Variants in MCM6 observed in about 807,000 individuals in gnomAD.
MCM6 encodes DNA replication licensing factor MCM6.
A neutral mutation model predicts 94.3 loss-of-function variants in MCM6; 46 were observed. The ratio of observed to expected loss-of-function variants is 0.49; its 90% confidence interval spans 0.39 to 0.62. The LOEUF is 0.62. Ranked by LOEUF, MCM6 falls within the 20% of genes least tolerant of loss-of-function variation. The pLI, the probability that MCM6 is intolerant of heterozygous loss-of-function variation, is 0.00. For missense variants in MCM6, 865 were observed against 1,017.9 expected, an observed-to-expected ratio of 0.85 and a Z score of 2.04; for synonymous variants, 335 against 351.9, an observed-to-expected ratio of 0.95 and a Z score of 0.54.
At position 135,852,779 on chromosome 2, in the gene MCM6, T is replaced by C. The variant is rs371061391; in HGVS notation, c.1755+8A>G. 14 of 1,565,232 alleles carry C rather than the reference T, an allele frequency of 8.9e-6. No individual in the cohort carries two copies. The African/African-American group carries it at 1.8e-4, about 20-fold the overall frequency. On this transcript the variant is annotated splice_region_variant and intron_variant, in intron 12 of 16. Coordinates refer to ENST00000264156, the MANE Select transcript of MCM6 (RefSeq NM_005915.6). ...TATACCTTATCCCAGTACAAAAGGG[T>C]AGGTTACCTTGGGTTTAAACTGTCT...
chr2:135,852,315 G>C (rs1438255436), intron 12 of MCM6, among the ~76,000 whole-genome samples: 1 of 151,968 alleles, frequency 6.6e-6, no homozygotes, highest in Non-Finnish European at 1.5e-5. Context: ...CAAGCATTTG[G>C]GGGTTTATGT....
At chr2:135,843,311 C>A (rs900712576) in intron 16 of MCM6, among the ~76,000 whole-genome samples, 1 of 152,192 alleles carries the variant, frequency 6.6e-6, no homozygotes, top group Non-Finnish European at 1.5e-5. Flanking sequence ...CTCTATACAT[C>A]TGGAGTTTAC....
chr2:135,858,161 C>T (rs547822237), intron 9 of MCM6, among the ~76,000 whole-genome samples, 157 bp from the exon 10 acceptor site: 2 of 152,202 alleles, frequency 1.3e-5, no homozygotes, highest in African/African-American at 2.4e-5. Context: ...CACTGTACTC[C>T]AGGTTAGGTG....
rs781641476 is a variant in MCM6 at position 135,866,512 on chromosome 2, T to A, written c.781+51A>T. ...TGAAGATGTGGGAAGCTAGATACTG[T>A]GCAGTTTAGGTAACTGAGAATTTGT... On this transcript the variant is annotated intron_variant, in intron 5 of 16. Transcript: ENST00000264156. 1.9e-6 allele frequency: 3 copies of A among 1,558,718 alleles called. No individual in the cohort carries two copies. In the East Asian group the frequency reaches 6.7e-5, roughly 35 times the overall value.
At chr2:135,841,363 C>T (rs1184700718) in intron 16 of MCM6, among the ~76,000 whole-genome samples, 3 of 152,086 alleles carry the variant, frequency 2.0e-5, no homozygotes, top group South Asian at 2.1e-4. Context: ...CATATACCAC[C>T]ATTTCATAGA....
Position 135,866,729 on chromosome 2 carries a change from C to T in MCM6, c.616-1G>A. 2 of 1,596,148 alleles carry T rather than the reference C, an allele frequency of 1.3e-6. No individual in the cohort carries two copies. Among genetic ancestry groups the T allele is most frequent in the Non-Finnish European group, 1.7e-6 (2 of 1,173,852 alleles). On this transcript the variant is annotated splice_acceptor_variant, in intron 4 of 16. Coordinates refer to ENST00000264156, the MANE Select transcript of MCM6 (RefSeq NM_005915.6). LOFTEE classifies it high-confidence loss of function. ...CAGCTTGGGTCTCTTGAATACGAACCTGTAATACAGACAAACAACCAACCA... is the reference window on the plus strand; with the variant it reads ...CAGCTTGGGTCTCTTGAATACGAACTTGTAATACAGACAAACAACCAACCA...
chr2:135,870,635 T>C (rs1680183056), intron 2 of MCM6, among the ~76,000 whole-genome samples: 1 of 152,230 alleles, frequency 6.6e-6, no homozygotes, highest in Non-Finnish European at 1.5e-5. Flanking sequence ...TGTTGGCCAT[T>C]CCTCTGTCCA....
chr2:135,855,301 C>G (rs1039817801), intron 11 of MCM6, among the ~76,000 whole-genome samples: 1 of 152,188 alleles, frequency 6.6e-6, no homozygotes, highest in African/African-American at 2.4e-5. Context: ...GTATGAAAAT[C>G]AGACAACTCA....
At chr2:135,860,351 G>A (rs1167566763) in intron 8 of MCM6, among the ~76,000 whole-genome samples, 1 of 150,572 alleles carries the variant, frequency 6.6e-6, no homozygotes, top group Non-Finnish European at 1.5e-5. Flanking sequence ...AGCCAGGACG[G>A]TCTCGATCTC....
At chr2:135,859,040 G>A (rs1256433887) in intron 9 of MCM6, among the ~76,000 whole-genome samples, 1 of 151,948 alleles carries the variant, frequency 6.6e-6, no homozygotes, top group Non-Finnish European at 1.5e-5. Context: ...ACAAGCACCC[G>A]CCACCATGCC....
chr2:135,843,454 C>T (rs1411331215), intron 16 of MCM6, among the ~76,000 whole-genome samples: 2 of 151,976 alleles, frequency 1.3e-5, no homozygotes, highest in African/African-American at 4.8e-5. Flanking sequence ...AGATTCAGGC[C>T]AGGCACGGTG....
At chr2:135,868,365 T>C (rs1680139241) in intron 4 of MCM6, among the ~76,000 whole-genome samples, 1 of 152,252 alleles carries the variant, frequency 6.6e-6, no homozygotes, top group Non-Finnish European at 1.5e-5. Flanking sequence ...AGTTACCATT[T>C]ATTCTTTGAC....
rs772000605 is a variant in MCM6, at chr2:135,848,119, C to T, written c.1987G>A (p.Asp663Asn). 5 of 1,610,856 alleles carry T rather than the reference C, an allele frequency of 3.1e-6. No homozygotes were observed. The South Asian group carries it at 5.5e-5, about 18-fold the overall frequency. The stretch of plus-strand genomic sequence containing the variant: ...TCTTCCTCTTGATCTAGATTGACAT[C>T]AGGTGTTTCCACACGGATGATTGAT... Reference protein sequence around the residue: ...NKSIIRVETPDVNLDQEEEIQ... With the variant: ...NKSIIRVETPNVNLDQEEEIQ... The change falls in exon 14 of 17, where the codon GAT (aspartate) becomes AAT (asparagine). Residue 663 changes from aspartate (D) to asparagine (N), a missense_variant. Physicochemically the swap from Asp to Asn is conservative, Grantham distance 23 (BLOSUM62 1). Coordinates refer to ENST00000264156, the MANE Select transcript of MCM6 (RefSeq NM_005915.6).
chr2:135,866,009 G>T, intron 6 of MCM6, 123 bp downstream of exon 6: 1 of 1,109,954 alleles, frequency 9.0e-7, no homozygotes, highest in Non-Finnish European at 1.3e-6. Context: ...GGTTGAGATG[G>T]TAGGATCACT....
chr2:135,866,421 C>G, intron 5 of MCM6, 142 bp downstream of exon 5: 1 of 1,394,344 alleles, frequency 7.2e-7, no homozygotes, highest in Non-Finnish European at 9.8e-7. Flanking sequence ...GTGGCAAAAC[C>G]AATTTGTTTT....
At chr2:135,847,961 T>C (rs930778585) in intron 14 of MCM6, 92 bp downstream of exon 14, 7 of 909,134 alleles carry the variant, frequency 7.7e-6, no homozygotes, top group Middle Eastern at 2.3e-4. Flanking sequence ...CCATAGACTA[T>C]TAGCCAACAG....
rs1343219625 is a variant in MCM6 at position 135,868,788 on chromosome 2, T to G, written c.438A>C (p.Pro146=). The change falls in exon 4 of 17, where the codon CCA becomes CCC. Residue 146 remains proline, a synonymous_variant. Coordinates refer to ENST00000264156, the MANE Select transcript of MCM6 (RefSeq NM_005915.6). ...TTCCGCTCACAAGCTCTGGGTGAAC[T>G]GGGTGAGTCCGCACCACCTGCCCAC... ...RISGQVVRTH[P]VHPELVSGTF... 1 of 1,614,090 alleles carries G rather than the reference T, an allele frequency of 6.2e-7. No individual in the cohort carries two copies. Among genetic ancestry groups the G allele is most frequent in the Admixed American group, 1.7e-5 (1 of 60,008 alleles).
At chr2:135,873,239 G>A (rs529864631) in intron 1 of MCM6, among the ~76,000 whole-genome samples, 3 of 152,316 alleles carry the variant, frequency 2.0e-5, no homozygotes, top group South Asian at 4.1e-4. Context: ...CCATGATTGT[G>A]AGGTTTAACT....
intron 14 of MCM6, 21 bp downstream of exon 14, chr2:135,848,032 T>C: frequency 6.3e-7 from 1 of 1,586,124 alleles, no homozygotes; most frequent in South Asian, 1.1e-5. Context: ...TCCAAAACAG[T>C]CACATGAACA....
Sources: gnomAD v4.1 joint callset for allele counts (sites outside exome capture counted in the v4.1 genomes callset) on GRCh38, gnomAD v4.1.1 for gene constraint, MANE v1.5 for transcripts, NCBI Gene and HGNC (gene_info 2026-07-23, HGNC 2026-07-21) for gene names.